Variants in ST6GALNAC3 observed in about 807,000 individuals in gnomAD.
ST6GALNAC3 encodes alpha-N-acetylgalactosaminide alpha-2,6-sialyltransferase 3.
ST6GALNAC3 carries 25 observed loss-of-function variants against 32.7 expected under a neutral mutation model. That is an observed-to-expected ratio of 0.76 (90% CI 0.56 to 1.07). The LOEUF (loss-of-function observed/expected upper bound fraction) is 1.07, where lower values mean the gene tolerates loss of function less well. Ranked by LOEUF, ST6GALNAC3 falls within the 50% of genes least tolerant of loss-of-function variation. ST6GALNAC3 has a pLI of 0.00. For synonymous variants in ST6GALNAC3, 129 were observed against 133.1 expected (o/e 0.97, Z 0.21); for missense variants, 355 against 382.4 (o/e 0.93, Z 0.60).
intron 1 of ST6GALNAC3, among the ~76,000 whole-genome samples, chr1:76,229,935 C>CT (rs1428360266): frequency 2.6e-5 from 4 of 152,126 alleles, no homozygotes; most frequent in African/African-American, 9.7e-5. Flanking sequence ...AACAGCTTTT[C>CT]TTTTTTTAAA....
intron 3 of ST6GALNAC3, among the ~76,000 whole-genome samples, chr1:76,585,106 C>T (rs1570366932): frequency 6.6e-6 from 1 of 152,106 alleles, no homozygotes; most frequent in Non-Finnish European, 1.5e-5. Flanking sequence ...TATTCTTGGC[C>T]GGGCGCAGTG....
At chr1:76,551,248 C>G (rs934526362) in intron 3 of ST6GALNAC3, among the ~76,000 whole-genome samples, 9 of 152,146 alleles carry the variant, frequency 5.9e-5, no homozygotes, top group Non-Finnish European at 8.8e-5. Flanking sequence ...ATTTCAAGAT[C>G]AGCTTATAGT....
At chr1:76,615,597 T>G (rs1303571015) in intron 3 of ST6GALNAC3, among the ~76,000 whole-genome samples, 1 of 152,232 alleles carries the variant, frequency 6.6e-6, no homozygotes, top group Non-Finnish European at 1.5e-5. Context: ...CTTCTCATTT[T>G]TATAGCTGGG....
At chr1:76,390,736 T>C (rs1478225910) in intron 2 of ST6GALNAC3, among the ~76,000 whole-genome samples, 2 of 151,988 alleles carry the variant, frequency 1.3e-5, no homozygotes, top group Non-Finnish European at 2.9e-5. Context: ...CAGAAACCTG[T>C]CTAGAAAATA....
At position 76,206,080 on chromosome 1, in the gene ST6GALNAC3, A is replaced by G. The variant is rs143603893; in HGVS notation, c.19-107725A>G. Among the ~76,000 whole-genome samples the G allele has an allele frequency of 3.7e-3, 557 of 152,342 alleles. 1 individual carries two copies. The highest frequency in any genetic ancestry group is 5.8e-3 in the Non-Finnish European group (397 of 68,040). On this transcript the variant is annotated intron_variant, in intron 1 of 4. Transcript: ENST00000328299. Reference sequence around the variant, plus strand: ...AGAAGGATATAACAAAATGTGAGACATGGTCTTTGGACCCAAGAAGCTTCT... The same window carrying G: ...AGAAGGATATAACAAAATGTGAGACGTGGTCTTTGGACCCAAGAAGCTTCT...
At chr1:76,192,758 A>G (rs903711100) in intron 1 of ST6GALNAC3, among the ~76,000 whole-genome samples, 3 of 152,194 alleles carry the variant, frequency 2.0e-5, no homozygotes, top group Non-Finnish European at 4.4e-5. Context: ...AAATCATGCC[A>G]CAGTGAGACT....
intron 1 of ST6GALNAC3, among the ~76,000 whole-genome samples, chr1:76,087,840 A>C (rs1187257754): frequency 6.6e-6 from 1 of 152,264 alleles, no homozygotes; most frequent in Non-Finnish European, 1.5e-5. Flanking sequence ...ATGATACAAT[A>C]ACATCAGCAA....
intron 3 of ST6GALNAC3, among the ~76,000 whole-genome samples, chr1:76,477,561 G>T (rs1659436148): frequency 6.6e-6 from 1 of 152,172 alleles, no homozygotes; most frequent in Admixed American, 6.6e-5. Context: ...ATGAGGGATG[G>T]CTGGCTCAGA....
chr1:76,457,483 A>G (rs984591301), intron 3 of ST6GALNAC3, among the ~76,000 whole-genome samples: 24 of 152,206 alleles, frequency 1.6e-4, no homozygotes, highest in Non-Finnish European at 3.1e-4. Flanking sequence ...ACTACAAGTA[A>G]CCAACTATAC....
intron 3 of ST6GALNAC3, among the ~76,000 whole-genome samples, chr1:76,510,623 A>T (rs1261913732): frequency 6.6e-6 from 1 of 152,158 alleles, no homozygotes; most frequent in Non-Finnish European, 1.5e-5. Context: ...CTGTACACAG[A>T]TGCTCCTTGA....
chr1:76,421,514 T>A (rs1655026466), intron 3 of ST6GALNAC3, among the ~76,000 whole-genome samples: 1 of 152,032 alleles, frequency 6.6e-6, no homozygotes, highest in Admixed American at 6.6e-5. Flanking sequence ...GTCAAAGTTA[T>A]ACTCTTGGGC....
At chr1:76,232,625 G>A (rs539443307) in intron 1 of ST6GALNAC3, among the ~76,000 whole-genome samples, 190 of 152,304 alleles carry the variant, frequency 1.2e-3, no homozygotes, top group African/African-American at 4.3e-3. Flanking sequence ...CTCAGATAGC[G>A]GGGCTGTTGT....
At chr1:76,513,964 T>A (rs1018220136) in intron 3 of ST6GALNAC3, among the ~76,000 whole-genome samples, 5 of 152,220 alleles carry the variant, frequency 3.3e-5, no homozygotes, top group Non-Finnish European at 5.9e-5. Context: ...GATAGTTGGC[T>A]TCTAGCATAC....
At chr1:76,494,646 T>TAAAC in intron 3 of ST6GALNAC3, among the ~76,000 whole-genome samples, 1 of 81,010 alleles carries the variant, frequency 1.2e-5, no homozygotes, top group Non-Finnish European at 2.3e-5. Context: ...TTCATGTGTA[T>TAAAC]GCGCACACAC....
rs1242296226 is a variant in ST6GALNAC3 at position 76,628,720 on chromosome 1, A to C, written c.832A>C (p.Arg278=). Reference sequence around the variant, plus strand: ...TGAACATGCCCCATATGGGGGTCATAGGTTTATCACTGAAAAGAAAGTGTT... The same window carrying C: ...TGAACATGCCCCATATGGGGGTCATCGGTTTATCACTGAAAAGAAAGTGTT... ...LHEHAPYGGH[R]FITEKKVFAK... is the part of the protein sequence containing the mutation. Residue 278 remains arginine (R), a synonymous_variant, in exon 5 of 5, where the codon AGG becomes CGG. Transcript: ENST00000328299. The C allele has an allele frequency of 6.2e-7, 1 of 1,612,526 alleles. No homozygotes were observed. The highest frequency in any genetic ancestry group is 1.7e-5 in the Admixed American group (1 of 59,926).
intron 1 of ST6GALNAC3, among the ~76,000 whole-genome samples, chr1:76,286,867 C>G (rs750079846): frequency 3.9e-5 from 6 of 152,186 alleles, no homozygotes; most frequent in Non-Finnish European, 7.3e-5. Flanking sequence ...TTCCTTTTCA[C>G]CTGTGTCATC....
At chr1:76,295,822 C>T (rs1028226777) in intron 1 of ST6GALNAC3, among the ~76,000 whole-genome samples, 2 of 151,990 alleles carry the variant, frequency 1.3e-5, no homozygotes, top group Non-Finnish European at 2.9e-5. Flanking sequence ...AAGGTTAGTA[C>T]AGAATTTTCT....
intron 1 of ST6GALNAC3, among the ~76,000 whole-genome samples, chr1:76,189,179 G>A (rs564897781): frequency 5.9e-5 from 9 of 152,330 alleles, no homozygotes; most frequent in Non-Finnish European, 1.0e-4. Context: ...TGGCCCTGCA[G>A]GGCTGTATGG....
At chr1:76,368,187 T>C (rs181759809) in intron 2 of ST6GALNAC3, among the ~76,000 whole-genome samples, 30 of 152,230 alleles carry the variant, frequency 2.0e-4, no homozygotes, top group African/African-American at 7.0e-4. Flanking sequence ...AACTCTGCCG[T>C]CGTAGAGAAA....
Sources: allele counts gnomAD v4.1 joint callset (sites outside exome capture counted in the v4.1 genomes callset), GRCh38; gene constraint gnomAD v4.1.1; transcripts MANE v1.5; gene names NCBI Gene and HGNC (gene_info 2026-07-23, HGNC 2026-07-21).